ELOVL7: variants seen among roughly 807,000 people sequenced by gnomAD.
The protein encoded by ELOVL7 is very long chain fatty acid elongase 7.
In ELOVL7, 27 loss-of-function variants were observed where a neutral mutation model predicts 35.7. That is an observed-to-expected ratio of 0.76 (90% CI 0.56 to 1.04). ELOVL7 has a LOEUF of 1.04. Ranked by LOEUF, ELOVL7 falls within the 50% of genes least tolerant of loss-of-function variation. ELOVL7 has a pLI of 0.00. For synonymous variants in ELOVL7, 113 were observed against 114.6 expected (o/e 0.99, Z 0.09); for missense variants, 327 against 340.8 (o/e 0.96, Z 0.32).
At chr5:60,828,283 G>T (rs1201840345) in intron 1 of ELOVL7, among the ~76,000 whole-genome samples, 1 of 151,994 alleles carries the variant, frequency 6.6e-6, no homozygotes, top group East Asian at 1.9e-4. Flanking sequence ...TCCTCATATG[G>T]TAAAAATTAT....
intron 1 of ELOVL7, among the ~76,000 whole-genome samples, chr5:60,830,775 A>G (rs888671961): frequency 6.6e-6 from 1 of 152,174 alleles, no homozygotes; most frequent in Admixed American, 6.5e-5. Context: ...ATTCAATTCT[A>G]GAACTCTTCA....
Position 60,766,561 on chromosome 5 carries a change from GCCATATACTCA to G in ELOVL7, c.393+2_393+12del. 5 of 1,603,432 alleles carry G rather than the reference GCCATATACTCA, an allele frequency of 3.1e-6. No homozygotes were observed. Among genetic ancestry groups the G allele is most frequent in the Non-Finnish European group, 4.3e-6 (5 of 1,173,244 alleles). ...GATCAAACATTTACCAAATGTGGTGGCCATATACTCACCGTATCTAATAGCTCAATAAATTT... is the reference window on the plus strand; with the variant it reads ...GATCAAACATTTACCAAATGTGGTGGCCGTATCTAATAGCTCAATAAATTT... On this transcript the variant is annotated splice_donor_variant and splice_donor_5th_base_variant and intron_variant, in intron 6 of 8. Transcript: ENST00000508821. LOFTEE classifies it high-confidence loss of function.
Position 60,772,059 on chromosome 5 carries a change from C to G in ELOVL7, c.99G>C (p.Ser33=). The G allele has an allele frequency of 6.2e-7, 1 of 1,612,196 alleles. No homozygotes were observed. The highest frequency in any genetic ancestry group is 8.5e-7 in the Non-Finnish European group (1 of 1,179,076). ...PRVEDWLLMS[S]PLPQTILLGF... is the part of the protein sequence containing the mutation. ...CTAGGAGGATGGTTTGTGGCAGAGG[C>G]GAGGACATGAGGAGCCAATCTTCAA... is the stretch of plus-strand genomic sequence containing the variant. The change falls in exon 4 of 9, where the codon TCG becomes TCC. Residue 33 remains serine, a synonymous_variant. Coordinates refer to ENST00000508821, the MANE Select transcript of ELOVL7 (RefSeq NM_024930.3).
At chr5:60,805,358 G>A (rs1174252737) in intron 1 of ELOVL7, among the ~76,000 whole-genome samples, 1 of 152,172 alleles carries the variant, frequency 6.6e-6, no homozygotes, top group Non-Finnish European at 1.5e-5. Context: ...AACATACAGG[G>A]CTAAGGATGG....
intron 3 of ELOVL7, among the ~76,000 whole-genome samples, chr5:60,782,250 CA>C (rs1211556225): frequency 4.6e-5 from 7 of 152,054 alleles, no homozygotes. Flanking sequence ...CAAAAGATAA[CA>C]AGCGTTGGCA....
At chr5:60,771,328 T>A (rs768581156) in intron 4 of ELOVL7, among the ~76,000 whole-genome samples, 1 of 152,140 alleles carries the variant, frequency 6.6e-6, no homozygotes, top group Non-Finnish European at 1.5e-5. Context: ...TATTAACAAT[T>A]AAGGGACAGT....
At chr5:60,839,863 T>C (rs1459124608) in intron 1 of ELOVL7, among the ~76,000 whole-genome samples, 1 of 152,126 alleles carries the variant, frequency 6.6e-6, no homozygotes, top group Non-Finnish European at 1.5e-5. Context: ...TAGCCAGGCA[T>C]GGTGACATGT....
At chr5:60,800,680 A>C (rs932048959) in intron 1 of ELOVL7, among the ~76,000 whole-genome samples, 2 of 152,150 alleles carry the variant, frequency 1.3e-5, no homozygotes, top group Non-Finnish European at 2.9e-5. Context: ...TCTCATTCTG[A>C]AGTCTCTTCT....
chr5:60,816,336 G>C (rs1326385403), intron 1 of ELOVL7, among the ~76,000 whole-genome samples: 1 of 150,638 alleles, frequency 6.6e-6, no homozygotes, highest in African/African-American at 2.4e-5. Flanking sequence ...AGCCGAGATT[G>C]CATCACTGCA....
At position 60,754,810 on chromosome 5, in the gene ELOVL7, G is replaced by A. The variant is rs146313717; in HGVS notation, c.660C>T (p.Ile220=). 122 of 1,614,012 alleles carry A rather than the reference G, an allele frequency of 7.6e-5. 1 individual carries two copies. The South Asian group carries it at 1.2e-3, about 16-fold the overall frequency. ...LQLVQFVIVA[I]HISQFFFMED... is the part of the protein sequence containing the mutation. ...CCATGAAAAAGAACTGGCTTATGTG[G>A]ATGGCGACAATAACAAACTGGACCT... Residue 220 remains isoleucine (I), a synonymous_variant, in exon 9 of 9, where the codon ATC becomes ATT. Coordinates refer to ENST00000508821, the MANE Select transcript of ELOVL7 (RefSeq NM_024930.3).
At chr5:60,805,067 C>T (rs1744847755) in intron 1 of ELOVL7, among the ~76,000 whole-genome samples, 1 of 152,074 alleles carries the variant, frequency 6.6e-6, no homozygotes, top group East Asian at 1.9e-4. Context: ...CACATGTGAC[C>T]TAGAAGAAAG....
At chr5:60,777,266 C>T (rs1223151746) in intron 3 of ELOVL7, among the ~76,000 whole-genome samples, 1 of 151,528 alleles carries the variant, frequency 6.6e-6, no homozygotes, top group East Asian at 1.9e-4. Flanking sequence ...AGGATAAATG[C>T]TTGAGGGGAT....
intron 1 of ELOVL7, among the ~76,000 whole-genome samples, chr5:60,833,761 A>G (rs1746624619): frequency 6.6e-6 from 1 of 152,184 alleles, no homozygotes; most frequent in African/African-American, 2.4e-5. Context: ...TGCTTATAAC[A>G]TGGGAAGAAT....
chr5:60,784,965 G>A (rs1039161391), intron 3 of ELOVL7, among the ~76,000 whole-genome samples: 2 of 152,116 alleles, frequency 1.3e-5, no homozygotes, highest in African/African-American at 4.8e-5. Flanking sequence ...GGATACTTCC[G>A]AAACAGCAGA....
chr5:60,754,932 C>T, intron 8 of ELOVL7, 99 bp from the exon 9 acceptor site: 1 of 943,458 alleles, frequency 1.1e-6, no homozygotes, highest in Non-Finnish European at 1.6e-6. Context: ...AGGGAGTGCA[C>T]TATTGGGCAA....
Position 60,754,578 on chromosome 5 carries a change from C to G in ELOVL7, c.*46G>C, listed in dbSNP as rs1173732138. ...GCATAGGTAAATATCTCTTGATTGT[C>G]AAGGAAGACAATGTATCAGTTTCGA... is the stretch of plus-strand genomic sequence containing the variant. On this transcript the variant is annotated 3_prime_UTR_variant, in exon 9 of 9. Coordinates refer to ENST00000508821, the MANE Select transcript of ELOVL7 (RefSeq NM_024930.3). The G allele has an allele frequency of 6.5e-7, 1 of 1,534,892 alleles. No homozygotes were observed. The highest frequency in any genetic ancestry group is 1.4e-5 in the African/African-American group (1 of 73,204).
At chr5:60,797,098 A>G (rs1561449978) in intron 2 of ELOVL7, among the ~76,000 whole-genome samples, 1 of 152,232 alleles carries the variant, frequency 6.6e-6, no homozygotes, top group Admixed American at 6.5e-5. Flanking sequence ...TATAACTCCA[A>G]TTAAAAGGAA....
At chr5:60,820,574 G>C (rs1745823509) in intron 1 of ELOVL7, among the ~76,000 whole-genome samples, 1 of 152,142 alleles carries the variant, frequency 6.6e-6, no homozygotes, top group South Asian at 2.1e-4. Flanking sequence ...ACAATTCTAT[G>C]CAAGAAGTTA....
intron 7 of ELOVL7, among the ~76,000 whole-genome samples, chr5:60,759,808 TCCCCAGAGTGTGATGTTC>T (rs1741776610): frequency 6.6e-6 from 1 of 151,544 alleles, no homozygotes; most frequent in Admixed American, 6.6e-5. Flanking sequence ...CCCACAGCAG[TCCCCAGAGTGTGATGTTC>T]CCCCTCCTGT....
Sources: allele counts gnomAD v4.1 joint callset (sites outside exome capture counted in the v4.1 genomes callset), GRCh38; gene constraint gnomAD v4.1.1; transcripts MANE v1.5; gene names NCBI Gene and HGNC (gene_info 2026-07-23, HGNC 2026-07-21).